ERCC8: variants seen among roughly 807,000 people sequenced by gnomAD.
ERCC8 encodes the protein ERCC excision repair 8, CSA ubiquitin ligase complex subunit, also known as DNA excision repair protein ERCC-8.
Under a neutral mutation model 54.9 loss-of-function variants are expected in ERCC8, and 52 were observed. That is an observed-to-expected ratio of 0.95 (90% CI 0.76 to 1.19). The LOEUF (loss-of-function observed/expected upper bound fraction) is 1.19. Ranked by LOEUF, ERCC8 falls within the 50% of genes most tolerant of loss-of-function variation. The pLI, the probability that ERCC8 is intolerant of heterozygous loss-of-function variation, is 0.00. For synonymous variants in ERCC8, 146 were observed against 157.2 expected, an observed-to-expected ratio of 0.93 and a Z score of 0.53; for missense variants, 514 against 466.1, an observed-to-expected ratio of 1.10 and a Z score of -0.95.
At chr5:60,926,887 ACT>A (rs1246378315) in intron 2 of ERCC8, among the ~76,000 whole-genome samples, 1 of 152,180 alleles carries the variant, frequency 6.6e-6, no homozygotes, top group Non-Finnish European at 1.5e-5. Flanking sequence ...AGATGTTTTG[ACT>A]CTGTTAAAAT....
In ERCC8 at chr5:60,938,040, CATACATACATATATATATATATATAT is replaced by C. The variant is rs1443080779; in HGVS notation, c.77+6866_77+6891del. ...GTGTGTGTGTATACATACATACATACATACATACATATATATATATATATATATATATATATATATATATATTTTAT... is the reference window on the plus strand; with the variant it reads ...GTGTGTGTGTATACATACATACATACATATATATATATATATATATTTTAT... On this transcript the variant is annotated intron_variant, in intron 1 of 11. Transcript: ENST00000676185. 7.3e-3 allele frequency among the ~76,000 whole-genome samples: 238 copies of C among 32,470 alleles called. 7 individuals are homozygous for C. The highest frequency in any genetic ancestry group is 0.012 in the African/African-American group (220 of 18,546). 21.3% of individuals were successfully genotyped at this position (32,470 alleles called of 152,430 possible). A position where few individuals can be genotyped will look rare whatever the true frequency, so the allele number is the denominator to read the frequency against.
chr5:60,878,705 T>C (rs1372934944), intron 11 of ERCC8, among the ~76,000 whole-genome samples: 2 of 150,948 alleles, frequency 1.3e-5, no homozygotes, highest in Non-Finnish European at 3.0e-5. Flanking sequence ...TCTGTGGGAT[T>C]GGTGGTGATA....
intron 11 of ERCC8, among the ~76,000 whole-genome samples, chr5:60,880,731 C>G (rs972812042): frequency 6.6e-6 from 1 of 152,176 alleles, no homozygotes; most frequent in Non-Finnish European, 1.5e-5. Flanking sequence ...CGTTAAAGGA[C>G]TTGTCTGCAT....
chr5:60,918,491 G>A, intron 3 of ERCC8, 103 bp from the exon 4 acceptor site: 1 of 984,122 alleles, frequency 1.0e-6, no homozygotes, highest in South Asian at 1.3e-5. Context: ...TGATATGAAT[G>A]GCCAAACCGA....
intron 3 of ERCC8, 145 bp from the exon 4 acceptor site, chr5:60,918,533 G>C: frequency 1.4e-6 from 1 of 692,760 alleles, no homozygotes; most frequent in South Asian, 1.6e-5. Context: ...CTGTGTAGAA[G>C]GCGAGAAAGA....
intron 11 of ERCC8, among the ~76,000 whole-genome samples, chr5:60,881,818 G>C (rs573270295): frequency 6.6e-6 from 1 of 152,106 alleles, no homozygotes; most frequent in East Asian, 1.9e-4. Flanking sequence ...CAGGTGAGGC[G>C]ATGCCTCACC....
In ERCC8 at chr5:60,911,228, CCCT is replaced by C. The variant is rs563498771; in HGVS notation, c.400-6358_400-6356del. Among the ~76,000 whole-genome samples the C allele has an allele frequency of 1.6e-3, 243 of 151,202 alleles. 2 individuals are homozygous for C. The highest frequency in any genetic ancestry group is 5.7e-3 in the African/African-American group (237 of 41,302). ...CTCCCCCTACTTCTCCACATTCTCC[CCCT>C]ATTTCTCCACATACTCTCCAGCATC... On this transcript the variant is annotated intron_variant, in intron 4 of 11. Transcript: ENST00000676185.
At chr5:60,882,391 G>C (rs376657416) in intron 11 of ERCC8, among the ~76,000 whole-genome samples, 1 of 152,014 alleles carries the variant, frequency 6.6e-6, no homozygotes, top group Non-Finnish European at 1.5e-5. Flanking sequence ...GTCCAGAAGC[G>C]AAACTATTAT....
intron 1 of ERCC8, among the ~76,000 whole-genome samples, chr5:60,929,794 A>T (rs1255360300): frequency 6.6e-6 from 1 of 152,248 alleles, no homozygotes; most frequent in Non-Finnish European, 1.5e-5. Flanking sequence ...TACAATGCCT[A>T]GTACATTGTA....
intron 1 of ERCC8, among the ~76,000 whole-genome samples, chr5:60,932,377 T>A (rs759503277): frequency 6.6e-6 from 1 of 152,086 alleles, no homozygotes; most frequent in African/African-American, 2.4e-5. Flanking sequence ...CCTAAACTAT[T>A]TGAGAAAATA....
intron 2 of ERCC8, chr5:60,924,229 T>A (rs1015780367): frequency 6.6e-6 from 1 of 152,562 alleles, no homozygotes; most frequent in East Asian, 1.9e-4. Flanking sequence ...CAAACCAATA[T>A]CTAGATCCAT....
At chr5:60,899,092 G>A (rs1010698891) in intron 8 of ERCC8, among the ~76,000 whole-genome samples, 4 of 143,254 alleles carry the variant, frequency 2.8e-5, no homozygotes, top group African/African-American at 7.8e-5. Context: ...TAGTTGTTAA[G>A]AAATTACATA....
intron 4 of ERCC8, chr5:60,909,903 G>C (rs1181884392): frequency 6.6e-6 from 1 of 151,838 alleles, no homozygotes; most frequent in African/African-American, 2.4e-5. Flanking sequence ...GCAGTGAGCT[G>C]AGATTGCGCC....
rs140002159 is a variant in ERCC8, at chr5:60,871,947, T to C, written c.*2668A>G. Among the ~76,000 whole-genome samples the C allele has an allele frequency of 1.4e-3, 210 of 152,222 alleles. No homozygotes were observed. The Middle Eastern group carries it at 0.017, about 12-fold the overall frequency. ...TCCCAAGTAGCTGGGACTACAGGTG[T>C]GCACAACACACTTGGTTAATTTTTG... On this transcript the variant is annotated 3_prime_UTR_variant, in exon 12 of 12. Transcript: ENST00000676185.
At chr5:60,913,718 T>A (rs966439391) in intron 4 of ERCC8, among the ~76,000 whole-genome samples, 2 of 152,164 alleles carry the variant, frequency 1.3e-5, no homozygotes, top group Admixed American at 1.3e-4. Context: ...CTGCTTTCTC[T>A]TCTGGGCATT....
chr5:60,891,469 T>C lies in ERCC8; in HGVS notation c.844-383A>G, dbSNP rs3822578. Among the ~76,000 whole-genome samples, 27 of 152,278 alleles carry C rather than the reference T, an allele frequency of 1.8e-4. No individual in the cohort carries two copies. The East Asian group carries it at 5.2e-3, about 29-fold the overall frequency. ...CTTTCTAAAAGGGCAAATGGTTTAT[T>C]AATGCAACCATTCTTTTCAAAAGAA... is the stretch of plus-strand genomic sequence containing the variant. On this transcript the variant is annotated intron_variant, in intron 9 of 11. Coordinates refer to ENST00000676185, the MANE Select transcript of ERCC8 (RefSeq NM_000082.4).
intron 4 of ERCC8, among the ~76,000 whole-genome samples, 186 bp from the exon 5 acceptor site, chr5:60,905,059 C>A (rs996504833): frequency 1.1e-4 from 16 of 152,092 alleles, no homozygotes; most frequent in African/African-American, 3.9e-4. Context: ...TTACAACATT[C>A]TTTTCCCTTC....
intron 9 of ERCC8, among the ~76,000 whole-genome samples, chr5:60,894,945 C>T (rs891879304): frequency 3.3e-5 from 5 of 151,958 alleles, no homozygotes; most frequent in African/African-American, 9.7e-5. Flanking sequence ...CCGAGGCAGG[C>T]GGATCACAAG....
intron 1 of ERCC8, among the ~76,000 whole-genome samples, chr5:60,942,752 T>C (rs1267782251): frequency 6.6e-6 from 1 of 152,164 alleles, no homozygotes; most frequent in African/African-American, 2.4e-5. Context: ...TCAAAATTCA[T>C]CAAATTGTAT....
Sources: gnomAD v4.1 joint callset for allele counts (sites outside exome capture counted in the v4.1 genomes callset) on GRCh38, gnomAD v4.1.1 for gene constraint, MANE v1.5 for transcripts, NCBI Gene and HGNC (gene_info 2026-07-23, HGNC 2026-07-21) for gene names.